Variants in UNC5C observed in about 807,000 individuals in gnomAD.
The protein encoded by UNC5C is unc-5 netrin receptor C, also known as netrin receptor UNC5C.
UNC5C carries 47 observed loss-of-function variants against 99.8 expected under a neutral mutation model. That is an observed-to-expected ratio of 0.47 (90% confidence interval 0.37 to 0.60). UNC5C has a LOEUF of 0.60. Ranked by LOEUF, UNC5C falls within the 20% of genes least tolerant of loss-of-function variation. The probability of loss-of-function intolerance (pLI) is 0.00; values close to 1 mark genes in which losing one functional copy is unlikely to be tolerated. For synonymous variants in UNC5C, 487 were observed against 452.2 expected (o/e 1.08, Z -0.98); for missense variants, 1,062 against 1,165.9 (o/e 0.91, Z 1.30).
chr4:95,339,507 C>T (rs1279195708), intron 1 of UNC5C, among the ~76,000 whole-genome samples: 1 of 111,126 alleles, frequency 9.0e-6, no homozygotes. Context: ...GGTCATGCTG[C>T]AAAACTTGGA....
intron 1 of UNC5C, among the ~76,000 whole-genome samples, chr4:95,510,942 T>A (rs778270207): frequency 6.6e-6 from 1 of 152,082 alleles, no homozygotes; most frequent in Non-Finnish European, 1.5e-5. Flanking sequence ...ACAATTAAAG[T>A]CTTCTTCAGG....
intron 3 of UNC5C, among the ~76,000 whole-genome samples, chr4:95,291,409 A>C (rs921900368): frequency 1.3e-5 from 2 of 152,212 alleles, no homozygotes; most frequent in Admixed American, 1.3e-4. Context: ...TTTTAGCCAT[A>C]AACTTCACTT....
At chr4:95,362,608 C>A (rs1308774299) in intron 1 of UNC5C, among the ~76,000 whole-genome samples, 1 of 152,088 alleles carries the variant, frequency 6.6e-6, no homozygotes, top group Non-Finnish European at 1.5e-5. Flanking sequence ...CTTAAACCTG[C>A]TTGATTTGGG....
At chr4:95,181,477 CA>C (rs1056250542) in intron 14 of UNC5C, among the ~76,000 whole-genome samples, 2 of 152,112 alleles carry the variant, frequency 1.3e-5, no homozygotes, top group African/African-American at 4.8e-5. Context: ...CAGACCCCCT[CA>C]CCCCCCTCCA....
chr4:95,247,356 T>C (rs1005639462), intron 5 of UNC5C, among the ~76,000 whole-genome samples: 1 of 151,968 alleles, frequency 6.6e-6, no homozygotes, highest in Non-Finnish European at 1.5e-5. Flanking sequence ...GGTAGATAGG[T>C]AGGGTTTCAG....
At chr4:95,295,596 C>G (rs1399787331) in intron 3 of UNC5C, among the ~76,000 whole-genome samples, 1 of 152,160 alleles carries the variant, frequency 6.6e-6, no homozygotes, top group Non-Finnish European at 1.5e-5. Context: ...CATGAAAGAA[C>G]TATGGGCCCC....
intron 1 of UNC5C, among the ~76,000 whole-genome samples, chr4:95,523,828 T>A (rs1441868678): frequency 1.3e-5 from 2 of 152,154 alleles, no homozygotes; most frequent in East Asian, 3.9e-4. Flanking sequence ...ATGTCAAAAG[T>A]ATCAATCCCC....
intron 1 of UNC5C, among the ~76,000 whole-genome samples, chr4:95,421,379 G>A (rs1333021503): frequency 2.0e-5 from 3 of 151,914 alleles, no homozygotes; most frequent in Non-Finnish European, 4.4e-5. Flanking sequence ...TTCATTTCTA[G>A]GATACATCTA....
chr4:95,190,514 C>T (rs1339438337), intron 12 of UNC5C, among the ~76,000 whole-genome samples: 1 of 151,916 alleles, frequency 6.6e-6, no homozygotes, highest in Non-Finnish European at 1.5e-5. Flanking sequence ...TTTGTCGGGA[C>T]AAAGTCTTGC....
intron 7 of UNC5C, among the ~76,000 whole-genome samples, chr4:95,230,249 G>A (rs1328183543): frequency 6.6e-6 from 1 of 152,176 alleles, no homozygotes; most frequent in Non-Finnish European, 1.5e-5. Context: ...GTCTTCTTTT[G>A]AGAAATGTCT....
intron 1 of UNC5C, among the ~76,000 whole-genome samples, chr4:95,337,127 G>T (rs779082512): frequency 6.6e-6 from 1 of 151,810 alleles, no homozygotes; most frequent in Non-Finnish European, 1.5e-5. Flanking sequence ...ATGATGGACA[G>T]TGCTGATAAT....
intron 1 of UNC5C, among the ~76,000 whole-genome samples, chr4:95,479,265 A>G (rs962118700): frequency 6.6e-6 from 1 of 151,964 alleles, no homozygotes; most frequent in Admixed American, 6.6e-5. Context: ...CATTAACTTT[A>G]TATGTACATT....
chr4:95,542,715 C>A (rs1013008042), intron 1 of UNC5C, among the ~76,000 whole-genome samples: 3 of 151,908 alleles, frequency 2.0e-5, no homozygotes. Flanking sequence ...ACATATTGTT[C>A]ATAAAGAGTC....
At chr4:95,444,917 T>C (rs181426205) in intron 1 of UNC5C, among the ~76,000 whole-genome samples, 46 of 152,282 alleles carry the variant, frequency 3.0e-4, no homozygotes, top group Admixed American at 2.8e-3. Flanking sequence ...CAGAGAAACA[T>C]ATGAAGAGCC....
chr4:95,258,743 A>ACTCTTTTTTTTTTTTTTTTT (rs1184674099), intron 4 of UNC5C, among the ~76,000 whole-genome samples: 1 of 85,868 alleles, frequency 1.2e-5, no homozygotes, highest in African/African-American at 3.8e-5. Context: ...CGACCATCTT[A>ACTCTTTTTTTTTTTTTTTTT]TTCTTTTTTT....
At position 95,231,926 on chromosome 4, in the gene UNC5C, A is replaced by G. The variant is rs17023298; in HGVS notation, c.1108+10503T>C. The stretch of plus-strand genomic sequence containing the variant: ...AGAACATTTGCTTATCACTGATGTC[A>G]GTTATCTAAATTGCCATGGTAATTT... On this transcript the variant is annotated intron_variant, in intron 7 of 15. Coordinates refer to ENST00000453304, the MANE Select transcript of UNC5C (RefSeq NM_003728.4). 6.7e-3 allele frequency among the ~76,000 whole-genome samples: 1,015 copies of G among 152,306 alleles called. 14 individuals carry two copies. The highest frequency in any genetic ancestry group is 0.023 in the African/African-American group (969 of 41,570).
rs780028639 is a variant in UNC5C, at chr4:95,548,831, C to A, written c.27G>T (p.Ala9=). Residue 9 remains alanine, a synonymous_variant, in exon 1 of 16, where the codon GCG becomes GCT. Coordinates refer to ENST00000453304, the MANE Select transcript of UNC5C (RefSeq NM_003728.4). The part of the protein sequence containing the change: MRKGLRAT[A]ARCGLGLGYL... ...ATCCCAGTCCCAGTCCGCAGCGGGC[C>A]GCTGTCGCCCGCAGACCTTTCCTCA... 3.7e-6 allele frequency: 6 copies of A among 1,613,156 alleles called. No homozygotes were observed. The African/African-American group carries it at 8.0e-5, about 22-fold the overall frequency.
intron 1 of UNC5C, among the ~76,000 whole-genome samples, chr4:95,446,074 G>A (rs1162802767): frequency 2.0e-5 from 3 of 152,006 alleles, no homozygotes; most frequent in Non-Finnish European, 1.5e-5. Context: ...GACACACTTT[G>A]TCTCAAGAGA....
At chr4:95,442,369 A>AT (rs5860407) in intron 1 of UNC5C, among the ~76,000 whole-genome samples, 8,478 of 126,338 alleles carry the variant, frequency 0.067, 403 homozygotes, top group East Asian at 0.21. Context: ...TGCCCAGCTA[A>AT]TTTTTTTTTT....
Sources: allele counts gnomAD v4.1 joint callset (sites outside exome capture counted in the v4.1 genomes callset), GRCh38; gene constraint gnomAD v4.1.1; transcripts MANE v1.5; gene names NCBI Gene and HGNC (gene_info 2026-07-23, HGNC 2026-07-21).